Variants in C4orf51 observed in about 807,000 individuals in gnomAD.
C4orf51 encodes the protein uncharacterized protein C4orf51.
In C4orf51, 25 loss-of-function variants were observed where a neutral mutation model predicts 25.2. That is an observed-to-expected ratio of 0.99 (90% CI 0.72 to 1.39). The LOEUF (loss-of-function observed/expected upper bound fraction) is 1.39. Ranked by LOEUF, C4orf51 falls within the 40% of genes most tolerant of loss-of-function variation. The pLI is 0.00. For synonymous variants in C4orf51, 100 were observed against 84.5 expected, an observed-to-expected ratio of 1.18 and a Z score of -1.01; for missense variants, 252 against 239.6, an observed-to-expected ratio of 1.05 and a Z score of -0.34.
At chr4:145,707,074 C>T (rs553892880) in intron 2 of C4orf51, among the ~76,000 whole-genome samples, 5 of 152,220 alleles carry the variant, frequency 3.3e-5, no homozygotes, top group Admixed American at 2.6e-4. Flanking sequence ...ACCTCGGCCT[C>T]CCAAAGTGCT....
intron 1 of C4orf51, among the ~76,000 whole-genome samples, chr4:145,739,603 G>C (rs1732985791): frequency 6.6e-6 from 1 of 152,106 alleles, no homozygotes; most frequent in Non-Finnish European, 1.5e-5. Flanking sequence ...TTATCTTTTA[G>C]AAAGCACTAA....
chr4:145,684,160 A>T (rs934338936), intron 1 of C4orf51, among the ~76,000 whole-genome samples: 23 of 152,208 alleles, frequency 1.5e-4, no homozygotes, highest in African/African-American at 5.5e-4. Flanking sequence ...CACCAAAGGG[A>T]TACACAGTTG....
chr4:145,729,296 G>GTT (rs1560852505), intron 4 of C4orf51, 67 bp downstream of exon 4: 42 of 331,192 alleles, frequency 1.3e-4, no homozygotes, highest in Non-Finnish European at 1.6e-4. Context: ...GTGGTCATGT[G>GTT]ATTTTTTTTT....
At chr4:145,755,648 AG>A (rs1433916691), downstream of C4orf51, among the ~76,000 whole-genome samples, 1 of 152,234 alleles carries the variant, frequency 6.6e-6, no homozygotes, top group Non-Finnish European at 1.5e-5. Flanking sequence ...GATGTTGTAC[AG>A]GGAAAAACGG....
intron 2 of C4orf51, among the ~76,000 whole-genome samples, chr4:145,713,405 T>C (rs1415117505): frequency 6.6e-6 from 1 of 152,204 alleles, no homozygotes; most frequent in Non-Finnish European, 1.5e-5. Flanking sequence ...AACGGGAGTT[T>C]GGAAGAAGTT....
chr4:145,693,022 T>C (rs867869521), intron 1 of C4orf51, among the ~76,000 whole-genome samples: 676 of 28,048 alleles, frequency 0.024, 7 homozygotes, highest in African/African-American at 0.093. Context: ...CACCTGTTTT[T>C]TTTTTTTTTT....
chr4:145,718,640 C>A (rs1731548096), intron 2 of C4orf51, among the ~76,000 whole-genome samples: 1 of 152,222 alleles, frequency 6.6e-6, no homozygotes, highest in Admixed American at 6.5e-5. Flanking sequence ...AATAATCTCA[C>A]TTCTGTTTCC....
chr4:145,704,594 A>C (rs921541035), intron 2 of C4orf51, among the ~76,000 whole-genome samples: 13 of 152,082 alleles, frequency 8.5e-5, no homozygotes, highest in African/African-American at 2.9e-4. Context: ...GTCTGTTTTT[A>C]TGCCAGTGCC....
chr4:145,720,219 G>C (rs942532670), intron 2 of C4orf51, among the ~76,000 whole-genome samples: 3 of 152,064 alleles, frequency 2.0e-5, no homozygotes, highest in Admixed American at 1.3e-4. Context: ...GGAGCAATGG[G>C]CACCTCCCCC....
intron 2 of C4orf51, among the ~76,000 whole-genome samples, chr4:145,701,591 C>G (rs556287873): frequency 6.6e-6 from 1 of 151,768 alleles, no homozygotes; most frequent in East Asian, 1.9e-4. Context: ...CAGAAGCCCC[C>G]TAGACCATCA....
At chr4:145,729,024 G>T (rs1013619448) in intron 3 of C4orf51, 145 bp from the exon 4 acceptor site, 2 of 627,266 alleles carry the variant, frequency 3.2e-6, no homozygotes, top group Non-Finnish European at 5.7e-6. Flanking sequence ...AGACTACACT[G>T]CACTCACAGT....
chr4:145,721,771 T>C (rs558434503), intron 2 of C4orf51, among the ~76,000 whole-genome samples: 4 of 152,294 alleles, frequency 2.6e-5, no homozygotes, highest in African/African-American at 7.2e-5. Flanking sequence ...GTGGCTGCAA[T>C]TGATTTTGCC....
At chr4:145,705,094 G>T (rs542819207) in intron 2 of C4orf51, among the ~76,000 whole-genome samples, 2 of 152,340 alleles carry the variant, frequency 1.3e-5, no homozygotes, top group African/African-American at 4.8e-5. Flanking sequence ...AGCATGCACA[G>T]TGTGTTTACT....
At chr4:145,714,769 A>G (rs951323278) in intron 2 of C4orf51, among the ~76,000 whole-genome samples, 1 of 152,208 alleles carries the variant, frequency 6.6e-6, no homozygotes, top group Non-Finnish European at 1.5e-5. Flanking sequence ...AGATATAGTC[A>G]TATCCTCCAG....
At chr4:145,766,013 C>T (rs1479477702) in intron 1 of C4orf51, among the ~76,000 whole-genome samples, 1 of 152,216 alleles carries the variant, frequency 6.6e-6, no homozygotes, top group Non-Finnish European at 1.5e-5. Flanking sequence ...CTAAGACATA[C>T]TAAACATGTT....
intron 1 of C4orf51, among the ~76,000 whole-genome samples, chr4:145,694,211 C>T (rs952233021): frequency 7.0e-5 from 10 of 143,642 alleles, no homozygotes; most frequent in African/African-American, 1.6e-4. Flanking sequence ...GATGTGATGG[C>T]GGCTGGGAAG....
intron 1 of C4orf51, among the ~76,000 whole-genome samples, chr4:145,770,011 A>G (rs1736000667): frequency 6.6e-6 from 1 of 152,196 alleles, no homozygotes; most frequent in South Asian, 2.1e-4. Flanking sequence ...AAGACTCTAG[A>G]TCCAGGCTGG....
chr4:145,789,644 C>T, the C4orf51 span, among the ~76,000 whole-genome samples: 13 of 152,112 alleles, frequency 8.5e-5, no homozygotes, highest in East Asian at 1.9e-4. Flanking sequence ...TTCCCAAACC[C>T]GAATCTGTCT....
chr4:145,790,479 A>C, the C4orf51 span, among the ~76,000 whole-genome samples: 2 of 152,208 alleles, frequency 1.3e-5, no homozygotes, highest in African/African-American at 4.8e-5. Context: ...TTTACTCCTG[A>C]AATGTTGCAA....
Sources: allele counts gnomAD v4.1 joint callset (sites outside exome capture counted in the v4.1 genomes callset), GRCh38; gene constraint gnomAD v4.1.1; transcripts MANE v1.5; gene names NCBI Gene and HGNC (gene_info 2026-07-23, HGNC 2026-07-21).